The following ASIC2 variants were observed in gnomAD, a reference collection of about 807,000 sequenced individuals.
ASIC2 encodes the protein acid-sensing ion channel 2.
A neutral mutation model predicts 57.3 loss-of-function variants in ASIC2; 25 were observed. The observed-to-expected ratio is 0.44, with a 90% CI of 0.32 to 0.61. ASIC2 has a LOEUF of 0.61. Among genes scored for constraint, ASIC2 ranks in the 20% least tolerant of loss-of-function variants. ASIC2 has a pLI of 0.06. For synonymous variants in ASIC2, 319 were observed against 307.5 expected (o/e 1.04, Z -0.39); for missense variants, 641 against 738.1 (o/e 0.87, Z 1.52).
At chr17:33,443,876 A>G (rs1229006604) in intron 1 of ASIC2, among the ~76,000 whole-genome samples, 4 of 152,032 alleles carry the variant, frequency 2.6e-5, no homozygotes, top group African/African-American at 7.3e-5. Context: ...AGCTGCTTAT[A>G]TCTCTGCTCA....
chr17:33,056,769 A>G (rs1163048857), intron 3 of ASIC2, among the ~76,000 whole-genome samples: 1 of 152,236 alleles, frequency 6.6e-6, no homozygotes, highest in Non-Finnish European at 1.5e-5. Flanking sequence ...TCTTCAAGCC[A>G]GTGAGCTGCT....
chr17:33,419,096 T>C (rs1910959780), intron 1 of ASIC2, among the ~76,000 whole-genome samples: 1 of 152,108 alleles, frequency 6.6e-6, no homozygotes, highest in South Asian at 2.1e-4. Context: ...TAACTTAAAG[T>C]ATGGTAATAA....
intron 1 of ASIC2, among the ~76,000 whole-genome samples, chr17:33,398,785 G>T (rs1910173810): frequency 6.6e-6 from 1 of 152,202 alleles, no homozygotes; most frequent in Non-Finnish European, 1.5e-5. Context: ...AGGATTTAAA[G>T]TGATGAAGTG....
chr17:33,554,219 T>C lies in ASIC2; in HGVS notation c.556-442152A>G, dbSNP rs184373595. Among the ~76,000 whole-genome samples, 411 of 152,322 alleles carry C rather than the reference T, an allele frequency of 2.7e-3. 6 individuals are homozygous for C. The highest frequency in any genetic ancestry group is 0.018 in the East Asian group (91 of 5,182). The stretch of plus-strand genomic sequence containing the variant: ...GGAAGGTGGCTTTAGTTGGAGACAG[T>C]GTTATTTGATTGTGTTGAATTCAGT... On this transcript the variant is annotated intron_variant, in intron 1 of 9. Transcript: ENST00000359872.
At chr17:33,661,530 A>T (rs1907266737) in intron 1 of ASIC2, among the ~76,000 whole-genome samples, 1 of 152,146 alleles carries the variant, frequency 6.6e-6, no homozygotes, top group African/African-American at 2.4e-5. Context: ...ACATTGAATG[A>T]TTCTGGACCT....
intron 1 of ASIC2, among the ~76,000 whole-genome samples, chr17:33,237,384 C>T (rs1157619873): frequency 6.7e-6 from 1 of 150,162 alleles, no homozygotes; most frequent in Non-Finnish European, 1.5e-5. Context: ...GAGTTGTGCT[C>T]TTGTTGCCCA....
chr17:33,837,295 G>A (rs1446363125), intron 1 of ASIC2, among the ~76,000 whole-genome samples: 3 of 152,186 alleles, frequency 2.0e-5, no homozygotes, highest in Admixed American at 2.0e-4. Flanking sequence ...CAATGGCCTT[G>A]CATTGGCCCT....
chr17:33,977,716 G>A (rs1462991961), intron 1 of ASIC2, among the ~76,000 whole-genome samples: 1 of 152,182 alleles, frequency 6.6e-6, no homozygotes, highest in Non-Finnish European at 1.5e-5. Context: ...CCAAAGAGAA[G>A]GTTTTGATGT....
chr17:33,726,976 A>G (rs923698639), intron 1 of ASIC2, among the ~76,000 whole-genome samples: 2 of 152,226 alleles, frequency 1.3e-5, no homozygotes, highest in Admixed American at 6.5e-5. Flanking sequence ...TTGGAAAATT[A>G]GTATAAATAT....
chr17:34,120,895 C>T lies in ASIC2; in HGVS notation c.555+35083G>A, dbSNP rs1345030194. On this transcript the variant is annotated intron_variant, in intron 1 of 9. Transcript: ENST00000359872. ...CTGAGATTATAGGCGCCTGCCACCA[C>T]GCCTGGCTAATTTTTTGTATTTTTA... Among the ~76,000 whole-genome samples, 2 of 150,704 alleles carry T rather than the reference C, an allele frequency of 1.3e-5. 1 individual carries two copies. Among genetic ancestry groups the T allele is most frequent in the Admixed American group, 1.3e-4 (2 of 15,182 alleles).
intron 1 of ASIC2, among the ~76,000 whole-genome samples, chr17:33,945,497 G>C (rs1392527521): frequency 1.3e-5 from 2 of 152,146 alleles, no homozygotes; most frequent in East Asian, 3.9e-4. Context: ...AATAAAAATG[G>C]GAGAATGGGC....
In ASIC2 at chr17:33,694,882, C is replaced by T. The variant is rs565771373; in HGVS notation, c.555+461096G>A. 1.1e-3 allele frequency among the ~76,000 whole-genome samples: 162 copies of T among 152,244 alleles called. 3 individuals are homozygous for T. The highest frequency in any genetic ancestry group is 3.8e-3 in the African/African-American group (158 of 41,542). On this transcript the variant is annotated intron_variant, in intron 1 of 9. Coordinates refer to the ASIC2 transcript ENST00000359872. ...GCTTGTCCTCCGTGTCTTCTCTTCT[C>T]CTGTCCTCTTGTTCCCCGTCTCACT...
intron 1 of ASIC2, among the ~76,000 whole-genome samples, chr17:33,492,155 T>C (rs1913781221): frequency 6.6e-6 from 1 of 152,240 alleles, no homozygotes; most frequent in Non-Finnish European, 1.5e-5. Context: ...CTAGCATGTA[T>C]TAAGTGTGCG....
At chr17:34,091,124 C>T (rs1035831575) in intron 1 of ASIC2, among the ~76,000 whole-genome samples, 7 of 152,226 alleles carry the variant, frequency 4.6e-5, no homozygotes, top group African/African-American at 1.7e-4. Context: ...GATACCAACT[C>T]CAGTCCCTGA....
intron 3 of ASIC2, among the ~76,000 whole-genome samples, chr17:33,050,782 TG>T (rs1375229901): frequency 6.6e-6 from 1 of 151,948 alleles, no homozygotes; most frequent in Non-Finnish European, 1.5e-5. Context: ...CCCTCCTGCT[TG>T]GTGGTGGGGA....
intron 1 of ASIC2, among the ~76,000 whole-genome samples, chr17:33,579,284 C>T (rs1291235189): frequency 2.9e-5 from 2 of 68,978 alleles, no homozygotes; most frequent in African/African-American, 1.2e-4. Flanking sequence ...GAAACTGTGT[C>T]TCAAAAAAAA....
At chr17:33,047,620 A>G (rs1055039300) in intron 3 of ASIC2, among the ~76,000 whole-genome samples, 15 of 152,198 alleles carry the variant, frequency 9.9e-5, no homozygotes, top group Non-Finnish European at 1.5e-5. Flanking sequence ...GATTACAGGC[A>G]TGAGCCACTA....
Position 33,110,528 on chromosome 17 carries a change from G to T in ASIC2, c.859+1389C>A, listed in dbSNP as rs115576392. Reference sequence around the variant, plus strand: ...AGGTGAGCTTCCAGATGGCACTGGCGCAGTGACATGTGTGTGGCCATTTTA... The same window carrying T: ...AGGTGAGCTTCCAGATGGCACTGGCTCAGTGACATGTGTGTGGCCATTTTA... On this transcript the variant is annotated intron_variant, in intron 2 of 9. Coordinates refer to ENST00000225823, the MANE Select transcript of ASIC2 (RefSeq NM_183377.2). 8.7e-3 allele frequency among the ~76,000 whole-genome samples: 1,328 copies of T among 152,324 alleles called. 22 individuals are homozygous for T. The highest frequency in any genetic ancestry group is 0.027 in the African/African-American group (1,111 of 41,560).
chr17:33,501,057 G>A (rs1462121847), intron 1 of ASIC2, among the ~76,000 whole-genome samples: 4 of 152,210 alleles, frequency 2.6e-5, no homozygotes, highest in South Asian at 2.1e-4. Flanking sequence ...GCACTCCCTG[G>A]TCTGCAGGGA....
Sources: gnomAD v4.1 joint callset for allele counts (sites outside exome capture counted in the v4.1 genomes callset) on GRCh38, gnomAD v4.1.1 for gene constraint, MANE v1.5 for transcripts, NCBI Gene and HGNC (gene_info 2026-07-23, HGNC 2026-07-21) for gene names.